The following GPM6B variants were observed in gnomAD, a reference collection of about 807,000 sequenced individuals.
GPM6B encodes glycoprotein M6B, also known as neuronal membrane glycoprotein M6-b.
Under a neutral mutation model 27.2 loss-of-function variants are expected in GPM6B, and 4 were observed. The observed-to-expected ratio is 0.15, with a 90% confidence interval of 0.07 to 0.34. The LOEUF is 0.34. Among genes scored for constraint, GPM6B ranks in the 10% least tolerant of loss-of-function variants. The pLI is 1.00. For synonymous variants in GPM6B, 124 were observed against 103.1 expected, an observed-to-expected ratio of 1.20 and a Z score of -1.23; for missense variants, 183 against 261.9, an observed-to-expected ratio of 0.70 and a Z score of 2.08.
At chrX:13,889,608 T>C (rs1226842920) in intron 1 of GPM6B, 1 of 111,547 alleles carries the variant, frequency 9.0e-6, no homozygotes, top group East Asian at 2.8e-4. Context: ...GGCAAGCATA[T>C]GGTTTATGGT....
At chrX:13,777,536 C>T (rs763110106) in intron 5 of GPM6B, 111 bp from the exon 6 acceptor site, 1 of 515,773 alleles carries the variant, frequency 1.9e-6, no homozygotes, top group East Asian at 3.6e-5. Context: ...CTATGTTCTT[C>T]ATTAAGAATT....
intron 1 of GPM6B, among the ~76,000 whole-genome samples, chrX:13,880,702 G>T (rs1286691752): frequency 5.5e-5 from 5 of 91,222 alleles, no homozygotes; most frequent in African/African-American, 2.5e-4. Flanking sequence ...GGCAAATCAG[G>T]TTCTATTACT....
At chrX:13,872,163 C>CT (rs72226692) in intron 1 of GPM6B, among the ~76,000 whole-genome samples, 293 of 25,832 alleles carry the variant, frequency 0.011, 17 homozygotes, top group African/African-American at 0.042. Flanking sequence ...TGTGACATCA[C>CT]TTTTTTTTTT....
chrX:13,810,054 G>A (rs1603032684), intron 1 of GPM6B, among the ~76,000 whole-genome samples: 2 of 110,522 alleles, frequency 1.8e-5, no homozygotes, highest in African/African-American at 6.6e-5. Context: ...GGAGGTGGAG[G>A]TTGCAGTGAG....
intron 1 of GPM6B, among the ~76,000 whole-genome samples, chrX:13,812,144 G>C (rs1039690079): frequency 2.9e-5 from 3 of 104,590 alleles, no homozygotes; most frequent in Non-Finnish European, 3.9e-5. Context: ...CCGCCTCTCG[G>C]GTTCACGCCA....
chrX:13,773,275 G>T, intron 7 of GPM6B: 2 of 225,268 alleles, frequency 8.9e-6, no homozygotes, highest in Non-Finnish European at 7.9e-6. Context: ...CAAAGGTATT[G>T]TTAAGAAAAA....
intron 1 of GPM6B, among the ~76,000 whole-genome samples, chrX:13,896,090 G>A (rs1401481013): frequency 4.1e-5 from 4 of 98,065 alleles, no homozygotes; most frequent in Non-Finnish European, 8.3e-5. Context: ...AGGAGGTCGA[G>A]GCTGCAGTGA....
At chrX:13,903,652 G>A (rs1181392495) in intron 1 of GPM6B, among the ~76,000 whole-genome samples, 1 of 112,052 alleles carries the variant, frequency 8.9e-6, no homozygotes, top group Admixed American at 9.5e-5. Flanking sequence ...ACACCAATGC[G>A]TTACTCAGCG....
upstream of GPM6B, among the ~76,000 whole-genome samples, chrX:13,820,354 G>C (rs2049294317): frequency 9.0e-6 from 1 of 111,005 alleles, no homozygotes; most frequent in Admixed American, 9.6e-5. Context: ...TCTAGCTTGG[G>C]TGAGTGAGGA....
At chrX:13,857,501 T>C (rs2049794956) in intron 1 of GPM6B, among the ~76,000 whole-genome samples, 1 of 112,448 alleles carries the variant, frequency 8.9e-6, no homozygotes, top group South Asian at 3.7e-4. Context: ...CCTCTTAGAA[T>C]CATAGCATCT....
intron 1 of GPM6B, among the ~76,000 whole-genome samples, chrX:13,881,768 C>A (rs375019969): frequency 6.8e-5 from 1 of 14,812 alleles, no homozygotes; most frequent in African/African-American, 3.0e-4. Context: ...AAAGCAATTG[C>A]GGCTTTAGCC....
chrX:13,872,200 C>A, intron 1 of GPM6B, among the ~76,000 whole-genome samples: 1 of 82,332 alleles, frequency 1.2e-5, no homozygotes, highest in Admixed American at 1.6e-4. Context: ...TAGACAGGGT[C>A]TCACTCTGTC....
intron 4 of GPM6B, 81 bp from the exon 5 acceptor site, chrX:13,780,070 C>T: frequency 3.4e-6 from 3 of 869,786 alleles, no homozygotes; most frequent in Non-Finnish European, 4.9e-6. Flanking sequence ...TGTGCATTTT[C>T]AGGCCCAATA....
At chrX:13,902,710 C>A (rs1319110586) in intron 1 of GPM6B, among the ~76,000 whole-genome samples, 1 of 111,443 alleles carries the variant, frequency 9.0e-6, no homozygotes, top group African/African-American at 3.3e-5. Context: ...CCCACACTCA[C>A]AACCAAACTT....
chrX:13,780,896 T>C, intron 4 of GPM6B: 1 of 299,716 alleles, frequency 3.3e-6, no homozygotes. Context: ...CCCCTAACTT[T>C]CTGTGCTGCA....
intron 1 of GPM6B, among the ~76,000 whole-genome samples, chrX:13,935,169 G>T (rs1013837647): frequency 1.8e-5 from 2 of 110,800 alleles, no homozygotes; most frequent in Non-Finnish European, 3.8e-5. Context: ...ATATTTTGTT[G>T]TATCTGATCA....
At chrX:13,872,661 G>C (rs1388483706) in intron 1 of GPM6B, among the ~76,000 whole-genome samples, 2 of 97,693 alleles carry the variant, frequency 2.0e-5, no homozygotes, top group Non-Finnish European at 4.1e-5. Context: ...GCTGGATATA[G>C]AGTAAGAAAA....
intron 1 of GPM6B, among the ~76,000 whole-genome samples, chrX:13,867,980 C>T (rs1569273285): frequency 1.8e-5 from 2 of 112,218 alleles, no homozygotes; most frequent in East Asian, 5.6e-4. Context: ...TGGACATGGA[C>T]TTCTAGAATA....
chrX:13,855,293 A>G (rs1260762379), intron 1 of GPM6B, among the ~76,000 whole-genome samples: 2 of 112,551 alleles, frequency 1.8e-5, no homozygotes, highest in Non-Finnish European at 3.8e-5. Context: ...TGTTGCGATT[A>G]TAGGCGTGAG....
Sources: allele counts gnomAD v4.1 joint callset (sites outside exome capture counted in the v4.1 genomes callset), GRCh38; gene constraint gnomAD v4.1.1; transcripts MANE v1.5; gene names NCBI Gene and HGNC (gene_info 2026-07-23, HGNC 2026-07-21).